The following AOPEP variants were observed in gnomAD, a reference collection of about 807,000 sequenced individuals.
AOPEP encodes aminopeptidase O.
In AOPEP, 77 loss-of-function variants were observed where a neutral mutation model predicts 98.1. The ratio of observed to expected loss-of-function variants is 0.78; its 90% CI spans 0.65 to 0.95. The LOEUF (loss-of-function observed/expected upper bound fraction) is 0.95. Ranked by LOEUF, AOPEP falls within the 40% of genes least tolerant of loss-of-function variation. The pLI is 0.00. For synonymous variants in AOPEP, 346 were observed against 365.3 expected (o/e 0.95, Z 0.60); for missense variants, 1,024 against 1,024.7 (o/e 1.00, Z 0.01).
intron 13 of AOPEP, among the ~76,000 whole-genome samples, chr9:95,047,788 C>T (rs1057274700): frequency 6.6e-6 from 1 of 152,160 alleles, no homozygotes; most frequent in African/African-American, 2.4e-5. Context: ...TTCTTGTTTG[C>T]CATGCAAATG....
At chr9:94,927,066 G>T (rs966802146) in intron 6 of AOPEP, among the ~76,000 whole-genome samples, 8 of 152,196 alleles carry the variant, frequency 5.3e-5, no homozygotes, top group Admixed American at 3.3e-4. Context: ...AGACCAAGGT[G>T]CCAGCAGGGT....
intron 5 of AOPEP, among the ~76,000 whole-genome samples, chr9:94,833,494 C>T (rs1217503500): frequency 6.6e-6 from 1 of 152,038 alleles, no homozygotes; most frequent in African/African-American, 2.4e-5. Context: ...GCCTTAGCCT[C>T]CCAAAGTGCT....
the AOPEP span, among the ~76,000 whole-genome samples, chr9:95,122,465 G>C: frequency 6.6e-6 from 1 of 152,152 alleles, no homozygotes; most frequent in African/African-American, 2.4e-5. Context: ...ACCTATGCAG[G>C]CATTGGCAAA....
chr9:95,104,710 C>T, the AOPEP span, among the ~76,000 whole-genome samples: 1 of 152,160 alleles, frequency 6.6e-6, no homozygotes, highest in Non-Finnish European at 1.5e-5. Context: ...TTTTCTCTCA[C>T]ACCCTGTCGG....
intron 5 of AOPEP, among the ~76,000 whole-genome samples, chr9:94,832,933 ATTTT>A (rs564875203): frequency 7.3e-6 from 1 of 136,488 alleles, no homozygotes; most frequent in Non-Finnish European, 1.6e-5. Context: ...TGTAAATTTG[ATTTT>A]TTTTTTTTTT....
rs78630661 is a variant in AOPEP at position 94,955,825 on chromosome 9, G to A, written c.1765-83G>A. 7.9e-3 allele frequency: 6,807 copies of A among 864,366 alleles called. 321 individuals are homozygous for A. The African/African-American group carries it at 0.098, about 12-fold the overall frequency. The allele number at this position is 864,366 out of a possible 1,614,324, so 53.5% of individuals were successfully genotyped here. A position where few individuals can be genotyped will look rare whatever the true frequency, so the allele number is the denominator to read the frequency against. ...ATTCTAGATGCACAAGTGCACTATGGGTTAGGTAGGGCTGACTATATAACC... is the reference window on the plus strand; with the variant it reads ...ATTCTAGATGCACAAGTGCACTATGAGTTAGGTAGGGCTGACTATATAACC... On this transcript the variant is annotated intron_variant, in intron 8 of 16. Transcript: ENST00000375315.
intron 16 of AOPEP, chr9:95,085,883 G>A (rs1305422954): frequency 1.7e-6 from 2 of 1,195,830 alleles, no homozygotes; most frequent in South Asian, 3.1e-5. Context: ...GCTTTCGGAG[G>A]AGCTCCTGTT....
chr9:95,000,753 G>A (rs1211648290), intron 11 of AOPEP, among the ~76,000 whole-genome samples: 1 of 152,112 alleles, frequency 6.6e-6, no homozygotes, highest in African/African-American at 2.4e-5. Flanking sequence ...ATAAATATTT[G>A]ATAATTTTGC....
intron 5 of AOPEP, among the ~76,000 whole-genome samples, chr9:94,833,586 T>G (rs2041192999): frequency 6.6e-6 from 1 of 152,112 alleles, no homozygotes; most frequent in East Asian, 1.9e-4. Flanking sequence ...TGAAGATTAT[T>G]AGAGCCACAA....
Position 94,933,626 on chromosome 9 carries a change from C to A in AOPEP, c.1661+5095C>A, listed in dbSNP as rs978175097. On this transcript the variant is annotated intron_variant, in intron 7 of 16. Coordinates refer to ENST00000375315, the MANE Select transcript of AOPEP (RefSeq NM_001193329.3). The stretch of plus-strand genomic sequence containing the variant: ...TCCCTTAATAATAGGGGGAAAACCC[C>A]AAGTATGTAACCCTATCCATAGCCA... 3 of 985,288 alleles carry A rather than the reference C, an allele frequency of 3.0e-6. No homozygotes were observed. In the African/African-American group the frequency reaches 5.2e-5, roughly 17 times the overall value. 61.0% of individuals were successfully genotyped at this position (985,288 alleles called of 1,614,324 possible).
rs557353194 is a variant in AOPEP, at chr9:95,060,986, CAG to C, written c.2232+179_2232+180del. On this transcript the variant is annotated intron_variant, in intron 14 of 16. Coordinates refer to ENST00000375315, the MANE Select transcript of AOPEP (RefSeq NM_001193329.3). ...ATCTGATTATGCTTATGCTTCTAAT[CAG>C]AGTATTTTGAGGTCTTAAGTTTTTC... 22 of 550,280 alleles carry C rather than the reference CAG, an allele frequency of 4.0e-5. No homozygotes were observed. The East Asian group carries it at 4.4e-4, about 11-fold the overall frequency. The allele number at this position is 550,280 out of a possible 1,614,324, so 34.1% of individuals were successfully genotyped here. A position where few individuals can be genotyped will look rare whatever the true frequency, so the allele number is the denominator to read the frequency against.
chr9:95,055,202 G>A (rs1457476105), intron 13 of AOPEP, among the ~76,000 whole-genome samples: 1 of 152,112 alleles, frequency 6.6e-6, no homozygotes, highest in East Asian at 1.9e-4. Flanking sequence ...TTATTAAGTT[G>A]TCTACTTTTG....
At chr9:94,989,368 C>T (rs2060732322) in intron 11 of AOPEP, among the ~76,000 whole-genome samples, 1 of 151,986 alleles carries the variant, frequency 6.6e-6, no homozygotes, top group Non-Finnish European at 1.5e-5. Flanking sequence ...TCCCAAAGTG[C>T]TAGGATTACA....
intron 10 of AOPEP, among the ~76,000 whole-genome samples, chr9:94,969,621 A>T (rs937284574): frequency 6.6e-5 from 10 of 152,048 alleles, no homozygotes; most frequent in Non-Finnish European, 8.8e-5. Flanking sequence ...GTTAGCCAGG[A>T]TGGTCTCGAT....
At chr9:95,117,444 C>T in the AOPEP span, 1 of 1,465,182 alleles carries the variant, frequency 6.8e-7, no homozygotes, top group Admixed American at 1.8e-5. Context: ...GAAACGGGGT[C>T]AGGAAAATAC....
At chr9:94,854,710 C>T (rs879790192) in intron 5 of AOPEP, among the ~76,000 whole-genome samples, 9 of 152,186 alleles carry the variant, frequency 5.9e-5, no homozygotes, top group East Asian at 1.9e-4. Flanking sequence ...TTCTCTTCCC[C>T]GATGGAACAT....
chr9:95,036,469 C>G (rs927280763), intron 13 of AOPEP, among the ~76,000 whole-genome samples: 16 of 152,118 alleles, frequency 1.1e-4, no homozygotes, highest in African/African-American at 3.4e-4. Flanking sequence ...GAGAGAAAAT[C>G]TTTCATCTCT....
rs201601369 is a variant in AOPEP, at chr9:95,012,995, G to GGC, written c.2115+7380_2115+7381insCG. On this transcript the variant is annotated intron_variant, in intron 13 of 16. Transcript: ENST00000375315. ...TTTTCCTGTTTTTTTTTTGGGGGGGGGGGCAGGGCGATTATCTCTTATCTT... is the reference window on the plus strand; with the variant it reads ...TTTTCCTGTTTTTTTTTTGGGGGGGGGCGGGCAGGGCGATTATCTCTTATCTT... 3.7e-3 allele frequency among the ~76,000 whole-genome samples: 497 copies of GGC among 135,414 alleles called. 22 individuals carry two copies. The highest frequency in any genetic ancestry group is 8.5e-3 in the African/African-American group (316 of 37,340). 88.8% of individuals were successfully genotyped at this position (135,414 alleles called of 152,430 possible). A position where few individuals can be genotyped will look rare whatever the true frequency, so the allele number is the denominator to read the frequency against.
the AOPEP span, chr9:95,123,886 G>A: frequency 3.9e-6 from 2 of 517,680 alleles, no homozygotes; most frequent in South Asian, 3.3e-5. Flanking sequence ...AGTCCTTAAA[G>A]TCTGAAGACG....
Sources: gnomAD v4.1 joint callset for allele counts (sites outside exome capture counted in the v4.1 genomes callset) on GRCh38, gnomAD v4.1.1 for gene constraint, MANE v1.5 for transcripts, NCBI Gene and HGNC (gene_info 2026-07-23, HGNC 2026-07-21) for gene names.